C5orf34: variants seen among roughly 807,000 people sequenced by gnomAD.
The protein encoded by C5orf34 is chromosome 5 open reading frame 34.
A neutral mutation model predicts 78.4 loss-of-function variants in C5orf34; 73 were observed. The observed-to-expected ratio is 0.93, with a 90% CI of 0.77 to 1.13. C5orf34 has a LOEUF of 1.13. C5orf34 is among the 50% of genes most tolerant of loss of function. The pLI is 0.00. For missense variants in C5orf34, 730 were observed against 732.7 expected, an observed-to-expected ratio of 1.00 and a Z score of 0.04; for synonymous variants, 251 against 246.6, an observed-to-expected ratio of 1.02 and a Z score of -0.17.
chr5:43,513,490 C>T (rs1348767438), intron 1 of C5orf34, among the ~76,000 whole-genome samples: 2 of 152,350 alleles, frequency 1.3e-5, no homozygotes, highest in East Asian at 3.9e-4. Context: ...TCTATCACTT[C>T]GTGGCTTAAA....
At chr5:43,497,435 G>A (rs1481152457) in intron 6 of C5orf34, among the ~76,000 whole-genome samples, 1 of 152,140 alleles carries the variant, frequency 6.6e-6, no homozygotes, top group East Asian at 1.9e-4. Context: ...AACTGAGACT[G>A]AGGGCTAAGA....
At chr5:43,513,810 C>A (rs899704151) in intron 1 of C5orf34, among the ~76,000 whole-genome samples, 1 of 152,200 alleles carries the variant, frequency 6.6e-6, no homozygotes, top group East Asian at 1.9e-4. Flanking sequence ...TAAAGTTACT[C>A]CCAAACATCT....
In C5orf34 at chr5:43,509,367, A is replaced by G; in HGVS notation, c.-28T>C. ...CAACGGCAGGATAAGATATCTTCTA[A>G]GTCAAAGACTGAATGAAATAGGAAA... On this transcript the variant is annotated 5_prime_UTR_variant, in exon 2 of 13. Transcript: ENST00000306862. 1 of 1,534,682 alleles carries G rather than the reference A, an allele frequency of 6.5e-7. No homozygotes were observed. Among genetic ancestry groups the G allele is most frequent in the Non-Finnish European group, 8.8e-7 (1 of 1,133,570 alleles).
intron 1 of C5orf34, among the ~76,000 whole-genome samples, chr5:43,509,894 T>G (rs1221829226): frequency 6.6e-6 from 1 of 152,058 alleles, no homozygotes; most frequent in Non-Finnish European, 1.5e-5. Context: ...TAGCTGGGAT[T>G]ACAGGTGTGT....
At chr5:43,490,020 A>G (rs549867903) in intron 11 of C5orf34, among the ~76,000 whole-genome samples, 1 of 152,142 alleles carries the variant, frequency 6.6e-6, no homozygotes, top group Admixed American at 6.5e-5. Context: ...AATAGATAGC[A>G]TATGTTCCAT....
intron 4 of C5orf34, 93 bp downstream of exon 4, chr5:43,505,655 T>C: frequency 1.5e-6 from 2 of 1,345,514 alleles, no homozygotes; most frequent in African/African-American, 1.5e-5. Context: ...AGATAAACTT[T>C]CCTTGTGAAT....
At chr5:43,494,726 A>T (rs1745425842) in intron 6 of C5orf34, 125 bp from the exon 7 acceptor site, 1 of 524,578 alleles carries the variant, frequency 1.9e-6, no homozygotes, top group Non-Finnish European at 3.3e-6. Context: ...AACAAAATAA[A>T]GCCCACAAAA....
intron 1 of C5orf34, among the ~76,000 whole-genome samples, chr5:43,513,194 G>A (rs1298096741): frequency 6.6e-6 from 1 of 151,970 alleles, no homozygotes; most frequent in East Asian, 1.9e-4. Flanking sequence ...TTAACCACAT[G>A]GTCTCTCCTG....
Position 43,503,678 on chromosome 5 carries a change from C to G in C5orf34, c.1015G>C (p.Gly339Arg), listed in dbSNP as rs1745859776. 1 of 1,611,182 alleles carries G rather than the reference C, an allele frequency of 6.2e-7. No homozygotes were observed. Among genetic ancestry groups the G allele is most frequent in the Non-Finnish European group, 8.5e-7 (1 of 1,177,414 alleles). Residue 339 changes from glycine (G) to arginine (R), a missense_variant, in exon 5 of 13, where the codon GGT (glycine) becomes CGT (arginine). Gly to Arg is a moderately radical substitution (Grantham distance 125). Coordinates refer to ENST00000306862, the MANE Select transcript of C5orf34 (RefSeq NM_198566.4). ...PELVKMVWYK[G>R]VTYRLTHQNM... Reference sequence around the variant, plus strand: ...TAGGTGCCTTACCTATATGTAACACCTTTGTACCAAACCATTTTCACTAGT... The same window carrying G: ...TAGGTGCCTTACCTATATGTAACACGTTTGTACCAAACCATTTTCACTAGT...
intron 1 of C5orf34, among the ~76,000 whole-genome samples, chr5:43,510,675 G>A (rs896451065): frequency 3.9e-5 from 6 of 152,336 alleles, no homozygotes; most frequent in East Asian, 3.9e-4. Flanking sequence ...GCTCCTAACC[G>A]CGAGTGATCT....
intron 1 of C5orf34, among the ~76,000 whole-genome samples, chr5:43,513,143 T>C (rs1263517364): frequency 1.3e-5 from 2 of 152,192 alleles, no homozygotes; most frequent in East Asian, 3.9e-4. Flanking sequence ...GGTGATATCA[T>C]CTGTAATCTT....
rs1746071671 is a variant in C5orf34, at chr5:43,508,096, A to AG, written c.285+480_285+481insC. Reference sequence around the variant, plus strand: ...CCGTCTCAGAAAAAAAAAAAAAAAAAAGAGGCTGCCATCTAGCCAATATAC... The same window carrying AG: ...CCGTCTCAGAAAAAAAAAAAAAAAAAGAGAGGCTGCCATCTAGCCAATATAC... On this transcript the variant is annotated intron_variant, in intron 3 of 12. Coordinates refer to ENST00000306862, the MANE Select transcript of C5orf34 (RefSeq NM_198566.4). Among the ~76,000 whole-genome samples the AG allele has an allele frequency of 2.0e-5, 3 of 151,924 alleles. No individual in the cohort carries two copies. The South Asian group carries it at 6.2e-4, about 32-fold the overall frequency.
In C5orf34 at chr5:43,505,887, T is replaced by A; in HGVS notation, c.793A>T (p.Ile265Phe). ...GCATCAATTTTAGACATATTGCTGA[T>A]TTTATTATGAAAATGAAGTGCTAAA... ...LSLALHFHNK[I>F]SNMSKIDAHI... The change falls in exon 4 of 13, where the codon ATC (isoleucine) becomes TTC (phenylalanine). Residue 265 changes from isoleucine to phenylalanine, a missense_variant. Transcript: ENST00000306862. 2.5e-6 allele frequency: 4 copies of A among 1,614,004 alleles called. No homozygotes were observed. Among genetic ancestry groups the A allele is most frequent in the Non-Finnish European group, 3.4e-6 (4 of 1,179,888 alleles).
Position 43,492,247 on chromosome 5 carries a change from T to C in C5orf34, c.1548A>G (p.Leu516=). 6.2e-7 allele frequency: 1 copy of C among 1,612,488 alleles called. No homozygotes were observed. The highest frequency in any genetic ancestry group is 8.5e-7 in the Non-Finnish European group (1 of 1,179,278). The stretch of plus-strand genomic sequence containing the variant: ...ATGGTTCAGGGTGTTCAATCTGAAT[T>C]AACTGCTCTTGTCCATCAGGAAAAG... ...KLTFPDGQEQ[L]IQIEHPEPYE... is the part of the protein sequence containing the mutation. The change falls in exon 10 of 13, where the codon TTA becomes TTG. Residue 516 remains leucine (L), a synonymous_variant. Coordinates refer to ENST00000306862, the MANE Select transcript of C5orf34 (RefSeq NM_198566.4).
intron 3 of C5orf34, 104 bp downstream of exon 3, chr5:43,508,473 T>A (rs1293097788): frequency 1.5e-6 from 1 of 667,868 alleles, no homozygotes. Context: ...TAGCAATGTA[T>A]CCCCAGGTGT....
Position 43,492,218 on chromosome 5 carries a change from T to C in C5orf34, c.1577A>G (p.Glu526Gly), listed in dbSNP as rs760009287. The C allele has an allele frequency of 6.3e-7, 1 of 1,597,206 alleles. No homozygotes were observed. Among genetic ancestry groups the C allele is most frequent in the South Asian group, 1.2e-5 (1 of 86,738 alleles). The stretch of plus-strand genomic sequence containing the variant: ...TTTTAAAATTGCTTTTCAGTACCTT[T>C]CATATGGTTCAGGGTGTTCAATCTG... The part of the protein sequence containing the change: ...LIQIEHPEPY[E>G]RYVTTVTSWC... The change falls in exon 10 of 13, where the codon GAA becomes GGA. Residue 526 changes from glutamate to glycine, a missense_variant. Coordinates refer to ENST00000306862, the MANE Select transcript of C5orf34 (RefSeq NM_198566.4).
Position 43,490,668 on chromosome 5 carries a change from G to A in C5orf34, c.1642C>T (p.Pro548Ser). The A allele has an allele frequency of 6.2e-7, 1 of 1,611,142 alleles. No homozygotes were observed. The highest frequency in any genetic ancestry group is 8.5e-7 in the Non-Finnish European group (1 of 1,177,658). ...RLTQTSPREM[P>S]THSSSSVLQE... ...AGAACAGAAGATGACGAATGAGTGG[G>A]CATCTCTCTGGGACTAGTCTGGGTC... The change falls in exon 11 of 13, where the codon CCC (proline) becomes TCC (serine). Residue 548 changes from proline (P) to serine (S), a missense_variant. Pro to Ser is a moderately conservative substitution (Grantham distance 74). Coordinates refer to ENST00000306862, the MANE Select transcript of C5orf34 (RefSeq NM_198566.4).
chr5:43,496,582 ATTTTTT>A (rs70994702), intron 6 of C5orf34: 358 of 428,346 alleles, frequency 8.4e-4, no homozygotes, highest in African/African-American at 1.6e-3. Flanking sequence ...GTTTTTTTTA[ATTTTTT>A]TTTTTTTTTT....
intron 11 of C5orf34, among the ~76,000 whole-genome samples, chr5:43,489,341 G>A (rs944053603): frequency 1.3e-5 from 2 of 151,990 alleles, no homozygotes; most frequent in African/African-American, 2.4e-5. Context: ...AAGAAAAACC[G>A]AAGTGGAGAT....
Sources: gnomAD v4.1 joint callset for allele counts (sites outside exome capture counted in the v4.1 genomes callset) on GRCh38, gnomAD v4.1.1 for gene constraint, MANE v1.5 for transcripts, NCBI Gene and HGNC (gene_info 2026-07-23, HGNC 2026-07-21) for gene names.